Variants in DST observed in about 807,000 individuals in gnomAD.
DST encodes bullous pemphigoid antigen.
A neutral mutation model predicts 875.2 loss-of-function variants in DST; 253 were observed. The ratio of observed to expected loss-of-function variants is 0.29; its 90% CI spans 0.26 to 0.32. DST has a LOEUF of 0.32. DST is among the 10% of genes least tolerant of loss of function. The pLI is 1.00. For missense variants in DST, 8,287 were observed against 9,111.6 expected (o/e 0.91, Z 3.68); for synonymous variants, 3,124 against 3,197.1 (o/e 0.98, Z 0.77).
At chr6:56,926,052 C>T (rs549035127) in intron 2 of DST, among the ~76,000 whole-genome samples, 1 of 152,202 alleles carries the variant, frequency 6.6e-6, no homozygotes, top group African/African-American at 2.4e-5. Context: ...AGAAAAGCAT[C>T]CACAATGTGA....
At chr6:56,532,567 T>A (rs2096915037) in intron 63 of DST, 57 bp from the exon 64 acceptor site, 6 of 1,445,330 alleles carry the variant, frequency 4.2e-6, no homozygotes, top group Non-Finnish European at 4.7e-6. Flanking sequence ...GAATATAAAG[T>A]ACAATGTATT....
In DST at chr6:56,506,490, G is replaced by T; in HGVS notation, c.19417C>A (p.Leu6473Ile). ...ACGGCAGCCTGCATTGCCTCCTCAAGTTTGTCAATCCGGTCTTTCCAAGCT... is the reference window on the plus strand; with the variant it reads ...ACGGCAGCCTGCATTGCCTCCTCAATTTTGTCAATCCGGTCTTTCCAAGCT... ...NKAWKDRIDK[L>I]EEAMQAAVQY... is the part of the protein sequence containing the mutation. The change falls in exon 77 of 104, where the codon CTT becomes ATT. Residue 6473 changes from leucine to isoleucine, a missense_variant. Coordinates refer to ENST00000680361, the MANE Select transcript of DST (RefSeq NM_001374736.1). 6.2e-7 allele frequency: 1 copy of T among 1,613,212 alleles called. No homozygotes were observed. Among genetic ancestry groups the T allele is most frequent in the Non-Finnish European group, 8.5e-7 (1 of 1,179,552 alleles).
intron 4 of DST, among the ~76,000 whole-genome samples, chr6:56,818,477 A>G (rs2099769306): frequency 6.6e-6 from 1 of 152,166 alleles, no homozygotes; most frequent in African/African-American, 2.4e-5. Flanking sequence ...CAAATGGAGC[A>G]ACAATCATTA....
At position 56,572,230 on chromosome 6, in the gene DST, G is replaced by C. The variant is rs996209535; in HGVS notation, c.13591C>G (p.Leu4531Val). ...TSEFLEHKKH[L>V]EVLHSLLKEI... ...TTCAAGAGACTATGCAAAACTTCAA[G>C]ATGTTTCTTGTGTTCTAAAAATTCA... Residue 4531 changes from leucine (L) to valine (V), a missense_variant, in exon 53 of 104, where the codon CTT becomes GTT. This residue lies in a region of DST where 1,513 missense variants were observed against 1,677.8 expected (regional missense o/e 0.90). Coordinates refer to ENST00000680361, the MANE Select transcript of DST (RefSeq NM_001374736.1). 14 of 1,573,882 alleles carry C rather than the reference G, an allele frequency of 8.9e-6. No homozygotes were observed. Among genetic ancestry groups the C allele is most frequent in the African/African-American group, 2.7e-5 (2 of 74,168 alleles).
At chr6:56,497,793 G>T (rs1203171032) in intron 81 of DST, 63 bp downstream of exon 81, 34 of 1,394,340 alleles carry the variant, frequency 2.4e-5, no homozygotes, top group Non-Finnish European at 3.0e-5. Flanking sequence ...ACTAATAAAA[G>T]AATTCCATGC....
chr6:56,611,794 CCT>C (rs1286351226), intron 37 of DST, among the ~76,000 whole-genome samples, 198 bp from the exon 38 acceptor site: 7 of 152,100 alleles, frequency 4.6e-5, no homozygotes, highest in Admixed American at 3.9e-4. Context: ...AAGGAAAGCT[CCT>C]CTCTCTATCC....
intron 72 of DST, among the ~76,000 whole-genome samples, chr6:56,514,358 C>T (rs1000552587): frequency 6.6e-6 from 1 of 152,076 alleles, no homozygotes; most frequent in Non-Finnish European, 1.5e-5. Context: ...CCATAAGATT[C>T]CTGTTCTATA....
intron 9 of DST, among the ~76,000 whole-genome samples, chr6:56,696,277 C>T (rs949356227): frequency 1.3e-5 from 2 of 152,154 alleles, no homozygotes; most frequent in Non-Finnish European, 2.9e-5. Context: ...ATTCTCCTGC[C>T]TCAGCCTCCC....
At chr6:56,790,982 A>G (rs2099721173) in intron 4 of DST, among the ~76,000 whole-genome samples, 1 of 152,222 alleles carries the variant, frequency 6.6e-6, no homozygotes, top group South Asian at 2.1e-4. Context: ...CCACTTAGAA[A>G]GGTTGAAGGT....
intron 4 of DST, among the ~76,000 whole-genome samples, chr6:56,756,935 A>G (rs1361578296): frequency 6.6e-6 from 1 of 152,226 alleles, no homozygotes; most frequent in African/African-American, 2.4e-5. Context: ...TCTTTTTTCA[A>G]GAGAAGTATT....
chr6:56,886,006 G>A (rs1173961256), intron 3 of DST, among the ~76,000 whole-genome samples: 1 of 152,166 alleles, frequency 6.6e-6, no homozygotes, highest in East Asian at 1.9e-4. Context: ...AGGGTGTGTG[G>A]AGGAGCAGCA....
chr6:56,804,061 A>C (rs532307194), intron 4 of DST, among the ~76,000 whole-genome samples: 2 of 152,332 alleles, frequency 1.3e-5, no homozygotes, highest in South Asian at 2.1e-4. Flanking sequence ...TTACTGCGTA[A>C]ATTTGAATAT....
chr6:56,886,234 T>C (rs1042454824), intron 3 of DST, among the ~76,000 whole-genome samples: 1 of 152,170 alleles, frequency 6.6e-6, no homozygotes, highest in South Asian at 2.1e-4. Flanking sequence ...TTGTCAGAGA[T>C]AAAGACTAAA....
At chr6:56,873,089 A>T (rs893830479) in intron 3 of DST, among the ~76,000 whole-genome samples, 5 of 152,122 alleles carry the variant, frequency 3.3e-5, no homozygotes, top group Non-Finnish European at 7.4e-5. Context: ...TTTCCTTGAC[A>T]ATTAGTGATG....
At chr6:56,717,677 T>A (rs1295601936) in intron 5 of DST, among the ~76,000 whole-genome samples, 2 of 152,100 alleles carry the variant, frequency 1.3e-5, no homozygotes, top group African/African-American at 4.8e-5. Flanking sequence ...TGGCTCCACC[T>A]GAACCCACCA....
intron 4 of DST, among the ~76,000 whole-genome samples, chr6:56,747,254 T>C (rs1356537377): frequency 6.6e-6 from 1 of 152,192 alleles, no homozygotes; most frequent in Non-Finnish European, 1.5e-5. Flanking sequence ...AAACTACAAA[T>C]GCCATAAATC....
At chr6:56,627,055 T>C in intron 34 of DST, 149 bp downstream of exon 34, 3 of 682,822 alleles carry the variant, frequency 4.4e-6, no homozygotes, top group Admixed American at 2.2e-5. Context: ...ATGTGACTAA[T>C]TTCACAAAGA....
rs771306150 is a variant in DST, at chr6:56,493,102, A to T, written c.20395-13T>A. On this transcript the variant is annotated splice_polypyrimidine_tract_variant and intron_variant, in intron 83 of 103. Coordinates refer to ENST00000680361, the MANE Select transcript of DST (RefSeq NM_001374736.1). ...CTTCCAGTTTAGTCTGCAAGGACAG[A>T]TTGTTTAGTATGTGATGTTTAAGGG... The T allele has an allele frequency of 1.2e-6, 2 of 1,603,562 alleles. No homozygotes were observed. The highest frequency in any genetic ancestry group is 2.7e-5 in the African/African-American group (2 of 74,788).
At chr6:56,915,942 C>A (rs1473112402) in intron 2 of DST, among the ~76,000 whole-genome samples, 2 of 152,218 alleles carry the variant, frequency 1.3e-5, no homozygotes, top group Non-Finnish European at 2.9e-5. Context: ...AATCCTAACA[C>A]CTTCTTTGAG....
Sources: allele counts gnomAD v4.1 joint callset (sites outside exome capture counted in the v4.1 genomes callset), GRCh38; gene constraint gnomAD v4.1.1; regional missense constraint gnomAD v4.1.1; transcripts MANE v1.5; gene names NCBI Gene and HGNC (gene_info 2026-07-23, HGNC 2026-07-21).